The following PRKAR1B variants were observed in gnomAD, a reference collection of about 807,000 sequenced individuals.
PRKAR1B encodes cAMP-dependent protein kinase type I-beta regulatory subunit.
In PRKAR1B, 22 loss-of-function variants were observed where a neutral mutation model predicts 46.5. The ratio of observed to expected loss-of-function variants is 0.47; its 90% CI spans 0.34 to 0.68. PRKAR1B has a LOEUF of 0.68. Among genes scored for constraint, PRKAR1B ranks in the 30% least tolerant of loss-of-function variants. The probability of loss-of-function intolerance (pLI) is 0.01; values close to 1 mark genes in which losing one functional copy is unlikely to be tolerated. For synonymous variants in PRKAR1B, 259 were observed against 217.7 expected, an observed-to-expected ratio of 1.19 and a Z score of -1.67; for missense variants, 445 against 535.6, an observed-to-expected ratio of 0.83 and a Z score of 1.67.
intron 7 of PRKAR1B, among the ~76,000 whole-genome samples, chr7:592,648 C>T (rs1041654276): frequency 6.6e-6 from 1 of 152,248 alleles, no homozygotes; most frequent in Non-Finnish European, 1.5e-5. Flanking sequence ...ACAGCCTCCA[C>T]CACAGAATTC....
chr7:598,947 A>C (rs756401688), intron 6 of PRKAR1B, among the ~76,000 whole-genome samples: 3 of 152,254 alleles, frequency 2.0e-5, no homozygotes, highest in Non-Finnish European at 4.4e-5. Flanking sequence ...GAGTCTCCAC[A>C]GAGCCAGCCC....
At position 702,592 on chromosome 7, in the gene PRKAR1B, G is replaced by A. The variant is rs147727511; in HGVS notation, c.177+8737C>T. 1.4e-3 allele frequency among the ~76,000 whole-genome samples: 215 copies of A among 152,290 alleles called. 1 individual carries two copies. Among genetic ancestry groups the A allele is most frequent in the African/African-American group, 4.8e-3 (199 of 41,574 alleles). ...TAATCTCAGCACTTTGGGAGGCCGAGGCAGGCGGATCACGAGGTCAGGAGA... is the reference window on the plus strand; with the variant it reads ...TAATCTCAGCACTTTGGGAGGCCGAAGCAGGCGGATCACGAGGTCAGGAGA... On this transcript the variant is annotated intron_variant, in intron 2 of 10. Transcript: ENST00000537384.
intron 1 of PRKAR1B, among the ~76,000 whole-genome samples, chr7:726,024 C>T (rs1312025141): frequency 6.6e-6 from 1 of 152,194 alleles, no homozygotes; most frequent in Admixed American, 6.5e-5. Flanking sequence ...TCAGGATTTT[C>T]AGAACCTGGT....
At chr7:717,175 G>A (rs1780911616) in intron 1 of PRKAR1B, among the ~76,000 whole-genome samples, 1 of 151,868 alleles carries the variant, frequency 6.6e-6, no homozygotes, top group Admixed American at 6.6e-5. Flanking sequence ...TGTAGTCCCA[G>A]CTACTTGGGA....
chr7:609,156 G>A (rs531271891), intron 4 of PRKAR1B, among the ~76,000 whole-genome samples: 260 of 152,260 alleles, frequency 1.7e-3, no homozygotes, highest in South Asian at 5.0e-3. Flanking sequence ...CCGGGCACCT[G>A]GCCCCGGTGG....
rs546002956 is a variant in PRKAR1B at position 718,637 on chromosome 7, G to A, written c.-22-7110C>T. 9.2e-5 allele frequency among the ~76,000 whole-genome samples: 14 copies of A among 152,006 alleles called. No homozygotes were observed. In the East Asian group the frequency reaches 9.7e-4, roughly 11 times the overall value. On this transcript the variant is annotated intron_variant, in intron 1 of 10. Transcript: ENST00000537384. ...CTCTTAAAGTGCTGGGATTATAGAC[G>A]TGAGCCACTGCACCTGACCTGACCC...
chr7:578,283 C>T (rs1427196435), intron 9 of PRKAR1B, among the ~76,000 whole-genome samples: 2 of 152,188 alleles, frequency 1.3e-5, no homozygotes, highest in African/African-American at 4.8e-5. Context: ...CTGCTCGGCC[C>T]ACCCAACAGT....
chr7:609,209 G>A (rs1033880021), intron 4 of PRKAR1B, among the ~76,000 whole-genome samples: 3 of 152,188 alleles, frequency 2.0e-5, no homozygotes, highest in African/African-American at 4.8e-5. Context: ...CGCATCTGCA[G>A]GAGCCGCCCT....
chr7:677,122 G>T, intron 4 of PRKAR1B, 107 bp downstream of exon 4: 1 of 1,072,954 alleles, frequency 9.3e-7, no homozygotes, highest in Non-Finnish European at 1.4e-6. Context: ...ACCTCCTGGA[G>T]GCCAGGGAGG....
chr7:680,337 G>A (rs1051408968), intron 3 of PRKAR1B, among the ~76,000 whole-genome samples: 7 of 152,174 alleles, frequency 4.6e-5, no homozygotes, highest in East Asian at 1.9e-4. Flanking sequence ...ACACAGAGCT[G>A]CTCCCATAAA....
chr7:698,062 G>A (rs1199798643), intron 2 of PRKAR1B, among the ~76,000 whole-genome samples: 1 of 83,944 alleles, frequency 1.2e-5, no homozygotes, highest in Non-Finnish European at 2.4e-5. Context: ...GGGAAGGGAG[G>A]GGAGGGGAGG....
intron 1 of PRKAR1B, among the ~76,000 whole-genome samples, chr7:711,988 C>G (rs529281826): frequency 6.8e-6 from 1 of 146,452 alleles, no homozygotes; most frequent in South Asian, 2.2e-4. Flanking sequence ...GAGGGTGAGA[C>G]TGTGGATGGG....
At position 644,376 on chromosome 7, in the gene PRKAR1B, A is replaced by G. The variant is rs1784529619; in HGVS notation, c.440+32853T>C. 6.6e-6 allele frequency among the ~76,000 whole-genome samples: 1 copy of G among 152,268 alleles called. No homozygotes were observed. The highest frequency in any genetic ancestry group is 2.1e-4 in the South Asian group (1 of 4,822). On this transcript the variant is annotated intron_variant, in intron 4 of 10. Transcript: ENST00000537384. This position sits in a 1 kb window ranked among gnomAD's most constrained non-coding sequence, Gnocchi z 4.9. ...ATGAGGTGGGGAAACTGAGGCGCGC[A>G]CATTCGGAACGGGGTTTTGCTCCTC...
chr7:705,676 T>C (rs1431454444), intron 2 of PRKAR1B, among the ~76,000 whole-genome samples: 1 of 152,154 alleles, frequency 6.6e-6, no homozygotes, highest in Non-Finnish European at 1.5e-5. Flanking sequence ...CAAGCTGCAA[T>C]CCATCTATGC....
chr7:656,631 G>A (rs185363166), intron 4 of PRKAR1B, among the ~76,000 whole-genome samples: 1 of 152,204 alleles, frequency 6.6e-6, no homozygotes, highest in East Asian at 1.9e-4. Flanking sequence ...ATGCGTAGAT[G>A]AATGAATGAA....
intron 4 of PRKAR1B, among the ~76,000 whole-genome samples, chr7:645,584 C>G (rs67759317): frequency 0.1 from 15,743 of 152,162 alleles, 897 homozygotes; most frequent in South Asian, 0.25. Flanking sequence ...CCTGGGAGGT[C>G]AAGACTCAAA....
intron 4 of PRKAR1B, among the ~76,000 whole-genome samples, chr7:615,446 TA>T (rs1181414580): frequency 1.1e-4 from 6 of 54,982 alleles, no homozygotes; most frequent in African/African-American, 4.5e-4. Flanking sequence ...TAAATAAAAA[TA>T]AAAAATAAAA....
At chr7:604,562 C>T (rs1327134837) in intron 6 of PRKAR1B, among the ~76,000 whole-genome samples, 1 of 152,220 alleles carries the variant, frequency 6.6e-6, no homozygotes, top group African/African-American at 2.4e-5. Flanking sequence ...GCGGGCCAGG[C>T]CCGAGGCACG....
chr7:563,218 C>A (rs543498012), intron 9 of PRKAR1B, among the ~76,000 whole-genome samples: 87 of 152,322 alleles, frequency 5.7e-4, no homozygotes, highest in African/African-American at 1.9e-3. Flanking sequence ...CCCGTGCCCT[C>A]GGCCCCCACC....
Sources: gnomAD v4.1 joint callset for allele counts (sites outside exome capture counted in the v4.1 genomes callset) on GRCh38, gnomAD v4.1.1 for gene constraint, Gnocchi (gnomAD v3.1) non-coding constraint, MANE v1.5 for transcripts, NCBI Gene and HGNC (gene_info 2026-07-23, HGNC 2026-07-21) for gene names.